The following LBP variants were observed in gnomAD, a reference collection of about 807,000 sequenced individuals.
LBP encodes lipopolysaccharide-binding protein.
A neutral mutation model predicts 56.6 loss-of-function variants in LBP; 53 were observed. The observed-to-expected ratio is 0.94, with a 90% CI of 0.75 to 1.18. The LOEUF (loss-of-function observed/expected upper bound fraction) is 1.18, where lower values mean the gene tolerates loss of function less well. Among genes scored for constraint, LBP ranks in the 50% most tolerant of loss-of-function variants. LBP has a pLI of 0.00. For synonymous variants in LBP, 227 were observed against 247.5 expected, an observed-to-expected ratio of 0.92 and a Z score of 0.78; for missense variants, 601 against 598.3, an observed-to-expected ratio of 1.00 and a Z score of -0.05.
At chr20:38,363,053 A>G (rs2076867003) in intron 6 of LBP, among the ~76,000 whole-genome samples, 1 of 152,142 alleles carries the variant, frequency 6.6e-6, no homozygotes, top group South Asian at 2.1e-4. Flanking sequence ...CACCATGTAG[A>G]TGTTTCCCCA....
chr20:38,372,296 C>G (rs1436040840), intron 12 of LBP, among the ~76,000 whole-genome samples: 1 of 152,140 alleles, frequency 6.6e-6, no homozygotes. Flanking sequence ...CAGACTTTCC[C>G]GAAGCACTTA....
At position 38,373,118 on chromosome 20, in the gene LBP, T is replaced by A; in HGVS notation, c.1307T>A (p.Phe436Tyr). The change falls in exon 13 of 15, where the codon TTC becomes TAC. Residue 436 changes from phenylalanine (F) to tyrosine (Y), a missense_variant. Phe to Tyr is a conservative substitution (Grantham distance 22, BLOSUM62 3). Coordinates refer to ENST00000217407, the MANE Select transcript of LBP (RefSeq NM_004139.5). ...ALLNYYILNT[F>Y]YPKFNDKLAE... is the part of the protein sequence containing the mutation. The stretch of plus-strand genomic sequence containing the variant: ...CTCAACTATTACATCCTTAACACCT[T>A]CTACCCCAAGTTCAATGGTAAGAAT... The A allele has an allele frequency of 3.7e-6, 6 of 1,613,736 alleles. No homozygotes were observed. Among genetic ancestry groups the A allele is most frequent in the Non-Finnish European group, 5.1e-6 (6 of 1,179,624 alleles).
At chr20:38,354,846 G>A (rs1056329177) in intron 4 of LBP, among the ~76,000 whole-genome samples, 22 of 152,102 alleles carry the variant, frequency 1.4e-4, no homozygotes, top group African/African-American at 5.1e-4. Flanking sequence ...AATTTGAGAC[G>A]CCAAGGCAGA....
At chr20:38,350,780 C>T in intron 2 of LBP, 31 bp from the exon 3 acceptor site, 1 of 1,587,428 alleles carries the variant, frequency 6.3e-7, no homozygotes, top group African/African-American at 1.3e-5. Flanking sequence ...AGGCCCAGGG[C>T]TGACACCTCC....
chr20:38,373,899 T>G, intron 13 of LBP, 38 bp from the exon 14 acceptor site: 1 of 1,560,348 alleles, frequency 6.4e-7, no homozygotes, highest in Non-Finnish European at 8.8e-7. Flanking sequence ...TTATTATTTA[T>G]TCACCAATCT....
intron 5 of LBP, among the ~76,000 whole-genome samples, chr20:38,359,654 C>T (rs777003721): frequency 2.6e-4 from 40 of 152,006 alleles, no homozygotes; most frequent in East Asian, 1.9e-4. Context: ...ATAAATAATT[C>T]GAGTAATTAC....
intron 12 of LBP, among the ~76,000 whole-genome samples, chr20:38,372,624 A>T (rs902140787): frequency 3.9e-5 from 6 of 152,324 alleles, no homozygotes; most frequent in African/African-American, 1.4e-4. Context: ...GGACATTAAT[A>T]TGAACTTTGA....
In LBP at chr20:38,346,685, C is replaced by T. The variant is rs1370769371; in HGVS notation, c.124+45C>T. The T allele has an allele frequency of 4.3e-6, 7 of 1,609,616 alleles. No homozygotes were observed. The East Asian group carries it at 8.9e-5, about 21-fold the overall frequency. ...GGCTGGACTTGGCAAACCCACGCTC[C>T]AGGCTGCTCTGGGTACAGTGGGGAC... On this transcript the variant is annotated intron_variant, in intron 1 of 14. Transcript: ENST00000217407.
chr20:38,370,599 C>G (rs2076897621), intron 10 of LBP, 139 bp from the exon 11 acceptor site: 1 of 725,006 alleles, frequency 1.4e-6, no homozygotes, highest in South Asian at 1.6e-5. Context: ...TTCTGGGAGT[C>G]TATGATCTAG....
chr20:38,362,902 T>C (rs1240729156), intron 6 of LBP, among the ~76,000 whole-genome samples: 1 of 152,154 alleles, frequency 6.6e-6, no homozygotes, highest in Non-Finnish European at 1.5e-5. Flanking sequence ...GGGCTGAAAT[T>C]GTGCCACTGC....
chr20:38,353,479 CTTTTTTTTTTTTTTTTTT>C (rs35504317), intron 3 of LBP, among the ~76,000 whole-genome samples: 3 of 69,100 alleles, frequency 4.3e-5, no homozygotes, highest in Non-Finnish European at 5.6e-5. Context: ...AGGCTGCTTC[CTTTTTTTTTTTTTTTTTT>C]TTTTTTTTTT....
chr20:38,372,409 T>C (rs1255157163), intron 12 of LBP, among the ~76,000 whole-genome samples: 2 of 152,248 alleles, frequency 1.3e-5, no homozygotes, highest in Non-Finnish European at 2.9e-5. Flanking sequence ...TGCACTCATA[T>C]TGTATCTGTG....
intron 4 of LBP, 63 bp downstream of exon 4, chr20:38,354,502 C>G (rs1461937472): frequency 4.8e-6 from 7 of 1,468,048 alleles, no homozygotes; most frequent in Non-Finnish European, 5.5e-6. Context: ...CAATCCAGCG[C>G]TCAGCCTGGC....
rs747258854 is a variant in LBP, at chr20:38,366,811, C to T, written c.964C>T (p.Arg322Ter). The T allele has an allele frequency of 1.7e-5, 28 of 1,614,002 alleles. No individual in the cohort carries two copies. The highest frequency in any genetic ancestry group is 8.3e-5 in the Admixed American group (5 of 60,002). ...TATCCGACTGACCACCAAGTCCTTCCGACCCTTCGTCCCACGGGTAAGGAG... is the reference window on the plus strand; with the variant it reads ...TATCCGACTGACCACCAAGTCCTTCTGACCCTTCGTCCCACGGGTAAGGAG... ...SNIRLTTKSF[R>*]PFVPRLARLY... Residue 322 changes from arginine (R) to a stop codon, truncating the protein, a stop_gained, in exon 9 of 15, where the codon CGA (arginine) becomes TGA (stop). Transcript: ENST00000217407. LOFTEE classifies it high-confidence loss of function.
At chr20:38,349,459 C>T in intron 1 of LBP, 89 bp from the exon 2 acceptor site, 1 of 921,244 alleles carries the variant, frequency 1.1e-6, no homozygotes, top group Non-Finnish European at 1.7e-6. Context: ...TGGCCCCTCT[C>T]TTGAGGACAG....
chr20:38,376,963 G>A lies in LBP; in HGVS notation c.*294G>A. 1.8e-6 allele frequency: 1 copy of A among 563,028 alleles called. No individual in the cohort carries two copies. The highest frequency in any genetic ancestry group is 3.4e-6 in the Non-Finnish European group (1 of 296,140). The allele number at this position is 563,028 out of a possible 1,614,324, so 34.9% of individuals were successfully genotyped here. ...ATTCGCCATCTGATCCCCATGCCTA[G>A]CAGAGTGCTGGCACTTAGTAGGTCC... On this transcript the variant is annotated 3_prime_UTR_variant, in exon 15 of 15. Transcript: ENST00000217407.
chr20:38,368,033 G>A (rs2076888411), intron 9 of LBP, among the ~76,000 whole-genome samples: 2 of 150,802 alleles, frequency 1.3e-5, no homozygotes, highest in African/African-American at 5.0e-5. Context: ...CTCTATTTTA[G>A]AAAGAAAAGT....
chr20:38,367,117 CA>C (rs1443430043), intron 9 of LBP, among the ~76,000 whole-genome samples: 3 of 152,110 alleles, frequency 2.0e-5, no homozygotes, highest in African/African-American at 7.2e-5. Context: ...CTAACAATTA[CA>C]GGGGGCTTCC....
At chr20:38,358,050 C>T (rs1386128236) in intron 5 of LBP, among the ~76,000 whole-genome samples, 1 of 152,182 alleles carries the variant, frequency 6.6e-6, no homozygotes, top group Non-Finnish European at 1.5e-5. Context: ...TCTTGTGATA[C>T]CAGTCCTGCT....
Sources: gnomAD v4.1 joint callset for allele counts (sites outside exome capture counted in the v4.1 genomes callset) on GRCh38, gnomAD v4.1.1 for gene constraint, MANE v1.5 for transcripts, NCBI Gene and HGNC (gene_info 2026-07-23, HGNC 2026-07-21) for gene names.